GALNTL6: variants seen among roughly 807,000 people sequenced by gnomAD.
GALNTL6 encodes polypeptide N-acetylgalactosaminyltransferase-like 6.
GALNTL6 carries 46 observed loss-of-function variants against 73.7 expected under a neutral mutation model. That is an observed-to-expected ratio of 0.62 (90% CI 0.49 to 0.80). The LOEUF (loss-of-function observed/expected upper bound fraction) is 0.80, where lower values mean the gene tolerates loss of function less well. GALNTL6 is among the 30% of genes least tolerant of loss of function. The pLI is 0.00. For missense variants in GALNTL6, 604 were observed against 755.0 expected (o/e 0.80, Z 2.34); for synonymous variants, 259 against 263.7 (o/e 0.98, Z 0.17).
rs397996272 is a variant in GALNTL6, at chr4:172,042,864, T to TAAAAAAAAAA, written c.139-186774_139-186765dup. 5.2e-4 allele frequency among the ~76,000 whole-genome samples: 23 copies of TAAAAAAAAAA among 44,396 alleles called. 2 individuals are homozygous for TAAAAAAAAAA. Among genetic ancestry groups the TAAAAAAAAAA allele is most frequent in the African/African-American group, 1.2e-3 (14 of 11,772 alleles). The allele number at this position is 44,396 out of a possible 152,430, so 29.1% of individuals were successfully genotyped here. A position where few individuals can be genotyped will look rare whatever the true frequency, so the allele number is the denominator to read the frequency against. On this transcript the variant is annotated intron_variant, in intron 2 of 12. Transcript: ENST00000506823. ...GTTCTATCCGAGCAATCTTTAACAGTAAAAAAAAAAAAAAAAAAAAAAAAA... is the reference window on the plus strand; with the variant it reads ...GTTCTATCCGAGCAATCTTTAACAGTAAAAAAAAAAAAAAAAAAAAAAAAAAAAAAAAAAA...
At chr4:172,921,640 C>T (rs957729641) in intron 8 of GALNTL6, among the ~76,000 whole-genome samples, 1 of 151,856 alleles carries the variant, frequency 6.6e-6, no homozygotes, top group Non-Finnish European at 1.5e-5. Flanking sequence ...ACTAAAAATA[C>T]AAAGATCAGC....
chr4:172,210,626 A>G (rs1220427738), intron 2 of GALNTL6, among the ~76,000 whole-genome samples: 2 of 152,152 alleles, frequency 1.3e-5, no homozygotes, highest in Non-Finnish European at 2.9e-5. Flanking sequence ...GGTATATAAT[A>G]TCACTATGAC....
chr4:172,689,101 G>C (rs189703210), intron 5 of GALNTL6, among the ~76,000 whole-genome samples: 4 of 152,108 alleles, frequency 2.6e-5, no homozygotes, highest in African/African-American at 9.7e-5. Flanking sequence ...ATATATGCTT[G>C]TGTTAGAAGT....
intron 2 of GALNTL6, among the ~76,000 whole-genome samples, chr4:171,903,283 C>CA: frequency 6.6e-6 from 1 of 152,106 alleles, no homozygotes; most frequent in South Asian, 2.1e-4. Context: ...TCAGTGGGTG[C>CA]GCGCACCGTG....
intron 5 of GALNTL6, among the ~76,000 whole-genome samples, chr4:172,496,016 G>A (rs78876394): frequency 4.1e-4 from 63 of 152,220 alleles, no homozygotes; most frequent in Non-Finnish European, 7.2e-4. Flanking sequence ...AAACTATACC[G>A]TTTGTGCGTT....
At chr4:173,021,728 T>A in intron 12 of GALNTL6, 103 bp downstream of exon 12, 1 of 1,212,218 alleles carries the variant, frequency 8.2e-7, no homozygotes, top group Non-Finnish European at 1.2e-6. Context: ...GCGCAGTCAC[T>A]CACACCTGTA....
intron 5 of GALNTL6, among the ~76,000 whole-genome samples, chr4:172,404,890 A>C (rs796393959): frequency 3.9e-5 from 6 of 152,142 alleles, no homozygotes; most frequent in African/African-American, 1.4e-4. Context: ...CTTGCAGTAA[A>C]TTTATTGTAA....
intron 5 of GALNTL6, among the ~76,000 whole-genome samples, chr4:172,435,884 T>C (rs1048368664): frequency 2.6e-5 from 4 of 152,128 alleles, no homozygotes; most frequent in African/African-American, 9.7e-5. Context: ...AAAAGTAAAT[T>C]ACAGTTGCAC....
chr4:172,838,674 T>C (rs1023772506), intron 7 of GALNTL6, among the ~76,000 whole-genome samples: 44 of 152,234 alleles, frequency 2.9e-4, no homozygotes, highest in African/African-American at 1.1e-3. Context: ...TAGACTCAAG[T>C]TTAGAAATAG....
At chr4:172,687,885 G>A (rs1257318724) in intron 5 of GALNTL6, among the ~76,000 whole-genome samples, 3 of 152,110 alleles carry the variant, frequency 2.0e-5, no homozygotes, top group African/African-American at 7.2e-5. Flanking sequence ...AAAGCAAAAT[G>A]TATGAAATTT....
At chr4:172,221,477 T>C (rs1316456319) in intron 2 of GALNTL6, among the ~76,000 whole-genome samples, 1 of 151,884 alleles carries the variant, frequency 6.6e-6, no homozygotes, top group Admixed American at 6.6e-5. Context: ...TAATATAATA[T>C]GTGCCTTTTT....
chr4:172,482,716 T>C (rs1579114877), intron 5 of GALNTL6, among the ~76,000 whole-genome samples: 1 of 152,240 alleles, frequency 6.6e-6, no homozygotes, highest in African/African-American at 2.4e-5. Flanking sequence ...AGTTTGACAC[T>C]TTGTTAGGAA....
At chr4:172,045,505 A>T (rs1560898557) in intron 2 of GALNTL6, among the ~76,000 whole-genome samples, 1 of 151,998 alleles carries the variant, frequency 6.6e-6, no homozygotes, top group Non-Finnish European at 1.5e-5. Context: ...AAAGGGTCAA[A>T]TGCCTGATTT....
At chr4:172,092,381 C>A (rs1355725824) in intron 2 of GALNTL6, among the ~76,000 whole-genome samples, 2 of 152,022 alleles carry the variant, frequency 1.3e-5, no homozygotes, top group Admixed American at 1.3e-4. Flanking sequence ...GAGAAAACAT[C>A]ATTTCTTATT....
chr4:172,609,033 T>C (rs1285065874), intron 5 of GALNTL6, among the ~76,000 whole-genome samples: 3 of 152,140 alleles, frequency 2.0e-5, no homozygotes, highest in Admixed American at 6.6e-5. Flanking sequence ...CAAGGAGCTT[T>C]TGTGCAGAGA....
At chr4:172,225,325 C>T (rs1736817410) in intron 2 of GALNTL6, among the ~76,000 whole-genome samples, 1 of 151,748 alleles carries the variant, frequency 6.6e-6, no homozygotes, top group Non-Finnish European at 1.5e-5. Flanking sequence ...ATTAGGTATG[C>T]AAGCATACCT....
At chr4:172,090,208 A>T (rs1732161950) in intron 2 of GALNTL6, among the ~76,000 whole-genome samples, 2 of 152,316 alleles carry the variant, frequency 1.3e-5, no homozygotes, top group South Asian at 4.1e-4. Context: ...TCCTTTGGAT[A>T]TATACCCAGT....
intron 5 of GALNTL6, among the ~76,000 whole-genome samples, chr4:172,529,670 T>TTTG (rs10642038): frequency 0.3 from 44,883 of 148,114 alleles, 6,988 homozygotes; most frequent in East Asian, 0.51. Context: ...ACCTAATTTG[T>TTTG]TTGTTGTTGT....
intron 2 of GALNTL6, among the ~76,000 whole-genome samples, chr4:171,855,432 A>G (rs1333353842): frequency 1.3e-5 from 2 of 152,134 alleles, no homozygotes; most frequent in Non-Finnish European, 2.9e-5. Flanking sequence ...AGTTTCCTCC[A>G]TGTCTTTTGT....
Sources: gnomAD v4.1 joint callset for allele counts (sites outside exome capture counted in the v4.1 genomes callset) on GRCh38, gnomAD v4.1.1 for gene constraint, MANE v1.5 for transcripts, NCBI Gene and HGNC (gene_info 2026-07-23, HGNC 2026-07-21) for gene names.